POR: variants seen among roughly 807,000 people sequenced by gnomAD.
POR encodes the protein cytochrome p450 oxidoreductase, also known as NADPH--cytochrome P450 reductase.
Under a neutral mutation model 84.0 loss-of-function variants are expected in POR, and 56 were observed. The ratio of observed to expected loss-of-function variants is 0.67; its 90% CI spans 0.54 to 0.83. The LOEUF (loss-of-function observed/expected upper bound fraction) is 0.83. POR is among the 40% of genes least tolerant of loss of function. The probability of loss-of-function intolerance (pLI) is 0.00; values close to 1 mark genes in which losing one functional copy is unlikely to be tolerated. For missense variants in POR, 938 were observed against 944.3 expected, an observed-to-expected ratio of 0.99 and a Z score of 0.09; for synonymous variants, 414 against 400.5, an observed-to-expected ratio of 1.03 and a Z score of -0.40.
At chr7:75,977,795 AAAG>A (rs1312428207) in intron 3 of POR, among the ~76,000 whole-genome samples, 148 of 152,340 alleles carry the variant, frequency 9.7e-4, no homozygotes, top group African/African-American at 3.3e-3. Context: ...AAAATAAAAA[AAAG>A]AAAAGAAAAA....
chr7:75,919,639 A>G (rs1433576652), intron 1 of POR, among the ~76,000 whole-genome samples: 1 of 151,906 alleles, frequency 6.6e-6, no homozygotes, highest in African/African-American at 2.4e-5. Flanking sequence ...TGAGCCTCCT[A>G]TCTCAGCCTC....
intron 2 of POR, among the ~76,000 whole-genome samples, chr7:75,971,388 GT>G (rs1788434354): frequency 6.6e-6 from 1 of 152,042 alleles, no homozygotes; most frequent in African/African-American, 2.4e-5. Flanking sequence ...TTCAGCCAGC[GT>G]TTTTCACCTC....
chr7:75,970,134 G>A (rs1005159364), intron 2 of POR, among the ~76,000 whole-genome samples: 6 of 152,068 alleles, frequency 3.9e-5, no homozygotes, highest in African/African-American at 1.2e-4. Flanking sequence ...GGGCCACTGC[G>A]GGAGGGGTGT....
chr7:75,981,814 C>T (rs72557910), intron 7 of POR: 34 of 591,918 alleles, frequency 5.7e-5, no homozygotes, highest in Middle Eastern at 4.4e-4. Context: ...TCCCACCTCT[C>T]GACAAGGACA....
chr7:75,981,154 T>C lies in POR; in HGVS notation c.623T>C (p.Leu208Ser). Residue 208 changes from leucine to serine, a missense_variant, in exon 6 of 16, where the codon TTG becomes TCG. Physicochemically the swap from Leu to Ser is moderately radical, Grantham distance 145. Transcript: ENST00000461988. ...GCCCAGCGCATCTTTGAGCTGGGGT[T>C]GGGCGACGACGATGGGAAGTGAGTG... The C allele has an allele frequency of 6.5e-7, 1 of 1,549,426 alleles. No homozygotes were observed. Among genetic ancestry groups the C allele is most frequent in the Non-Finnish European group, 8.7e-7 (1 of 1,146,872 alleles).
intron 3 of POR, among the ~76,000 whole-genome samples, chr7:75,975,565 G>GGGAGGCACAGATTGCAGTGACCAC (rs1197426854): frequency 1.3e-5 from 2 of 152,112 alleles, no homozygotes; most frequent in African/African-American, 2.4e-5. Context: ...GCTTGAGCTT[G>GGGAGGCACAGATTGCAGTGACCAC]GGAGGCACAG....
Position 75,975,293 on chromosome 7 carries a change from T to G in POR, c.237+2832T>G, listed in dbSNP as rs191038760. Among the ~76,000 whole-genome samples the G allele has an allele frequency of 6.6e-5, 10 of 152,278 alleles. No individual in the cohort carries two copies. In the East Asian group the frequency reaches 1.9e-3, roughly 29 times the overall value. ...ATTTTACATAGCTGTCTAAACACCA[T>G]GTATTAGAGTCCATCTTTCCCCCAC... On this transcript the variant is annotated intron_variant, in intron 3 of 15. Coordinates refer to ENST00000461988, the MANE Select transcript of POR (RefSeq NM_000941.3).
At chr7:75,933,024 GAA>G (rs782591942) in intron 1 of POR, among the ~76,000 whole-genome samples, 7 of 92,638 alleles carry the variant, frequency 7.6e-5, no homozygotes, top group Middle Eastern at 6.3e-3. Flanking sequence ...GACTCCATCT[GAA>G]AAAAAAAAAA....
rs1272524188 is a variant in POR at position 75,979,415 on chromosome 7, T to C, written c.238-36T>C. ...GTTCACCGGAGCCGTGGCTGAGGTC[T>C]GTGGCCCTCACCAACCCTGTGTCTG... is the stretch of plus-strand genomic sequence containing the variant. On this transcript the variant is annotated intron_variant, in intron 3 of 15. Transcript: ENST00000461988. 3 of 1,606,990 alleles carry C rather than the reference T, an allele frequency of 1.9e-6. No homozygotes were observed. The East Asian group carries it at 6.7e-5, about 36-fold the overall frequency.
At position 75,985,545 on chromosome 7, in the gene POR, T is replaced by C. The variant is rs2302431; in HGVS notation, c.1399-34T>C. 0.94 allele frequency: 1,401,635 copies of C among 1,498,362 alleles called. 660,622 individuals are homozygous for C. The highest frequency in any genetic ancestry group is 0.96 in the Non-Finnish European group (1,076,988 of 1,119,704). The allele number at this position is 1,498,362 out of a possible 1,614,324, so 92.8% of individuals were successfully genotyped here. A position where few individuals can be genotyped will look rare whatever the true frequency, so the allele number is the denominator to read the frequency against. On this transcript the variant is annotated intron_variant, in intron 12 of 15. Transcript: ENST00000461988. ...GGCCGGGGCTGGGCAAGGGCCTCGG[T>C]GTGGCGGTGGAGCTCACACGGCCCT...
intron 1 of POR, among the ~76,000 whole-genome samples, chr7:75,926,645 T>G (rs1807145892): frequency 6.6e-6 from 1 of 151,980 alleles, no homozygotes; most frequent in South Asian, 2.1e-4. Flanking sequence ...AAATACAAAA[T>G]TAGCCGGGCG....
At chr7:75,983,906 TG>T (rs781947561) in intron 10 of POR, 50 bp downstream of exon 10, 1 of 1,449,778 alleles carries the variant, frequency 6.9e-7, no homozygotes, top group Non-Finnish European at 9.4e-7. Context: ...GCCGCGGGAT[TG>T]GGCCTGTAGG....
chr7:75,931,888 C>T (rs1379561430), intron 1 of POR, among the ~76,000 whole-genome samples: 2 of 152,146 alleles, frequency 1.3e-5, no homozygotes, highest in African/African-American at 2.4e-5. Flanking sequence ...GGCCACTACT[C>T]GATTCAGTTT....
intron 7 of POR, 47 bp downstream of exon 7, chr7:75,981,653 T>G (rs782786893): frequency 1.3e-6 from 2 of 1,528,208 alleles, no homozygotes; most frequent in East Asian, 2.3e-5. Context: ...GCGGGTCCTG[T>G]GCCGAGGGCA....
At chr7:75,979,256 G>A (rs2116578758) in intron 3 of POR, among the ~76,000 whole-genome samples, 195 bp from the exon 4 acceptor site, 1 of 152,326 alleles carries the variant, frequency 6.6e-6, no homozygotes, top group East Asian at 1.9e-4. Flanking sequence ...TTGCCTTGGT[G>A]ACCTTTGCCC....
Position 75,985,762 on chromosome 7 carries a change from A to C in POR, c.1582A>C (p.Thr528Pro). The C allele has an allele frequency of 6.3e-6, 10 of 1,580,156 alleles. No homozygotes were observed. The highest frequency in any genetic ancestry group is 8.6e-6 in the Non-Finnish European group (10 of 1,164,350). Reference sequence around the variant, plus strand: ...CCAGTTCCGCCTGCCCTTCAAGGCCACCACGCCTGTCATCATGGTGGGCCC... The same window carrying C: ...CCAGTTCCGCCTGCCCTTCAAGGCCCCCACGCCTGTCATCATGGTGGGCCC... Residue 528 changes from threonine (T) to proline (P), a missense_variant, in exon 13 of 16, where the codon ACC (threonine) becomes CCC (proline). Thr to Pro is a conservative substitution (Grantham distance 38). Coordinates refer to ENST00000461988, the MANE Select transcript of POR (RefSeq NM_000941.3).
Position 75,985,151 on chromosome 7 carries a change from T to C in POR, c.1342T>C (p.Cys448Arg). 1 of 1,599,594 alleles carries C rather than the reference T, an allele frequency of 6.3e-7. No individual in the cohort carries two copies. Among genetic ancestry groups the C allele is most frequent in the Non-Finnish European group, 8.5e-7 (1 of 1,179,446 alleles). The change falls in exon 12 of 16, where the codon TGT becomes CGT. Residue 448 changes from cysteine to arginine, a missense_variant. Coordinates refer to ENST00000461988, the MANE Select transcript of POR (RefSeq NM_000941.3). ...CCTGCGGCCCCCCATCGACCACCTG[T>C]GTGAGCTGCTGCCGCGCCTGCAGGC...
chr7:75,953,931 A>G (rs1554553285), intron 1 of POR, 58 bp from the exon 2 acceptor site: 1 of 1,398,066 alleles, frequency 7.2e-7, no homozygotes, highest in Non-Finnish European at 9.7e-7. Context: ...CACCCCAGCC[A>G]GCCTCAGGGG....
At chr7:75,968,371 T>C in intron 2 of POR, 1 of 424,852 alleles carries the variant, frequency 2.4e-6, no homozygotes. Context: ...ACTTGCACGC[T>C]GCATTTCCCT....
Sources: gnomAD v4.1 joint callset for allele counts (sites outside exome capture counted in the v4.1 genomes callset) on GRCh38, gnomAD v4.1.1 for gene constraint, MANE v1.5 for transcripts, NCBI Gene and HGNC (gene_info 2026-07-23, HGNC 2026-07-21) for gene names.